The following RBM25 variants were observed in gnomAD, a reference collection of about 807,000 sequenced individuals.
The protein encoded by RBM25 is RNA-binding protein 25.
A neutral mutation model predicts 120.7 loss-of-function variants in RBM25; 19 were observed. The observed-to-expected ratio is 0.16, with a 90% confidence interval of 0.11 to 0.23. RBM25 has a LOEUF of 0.23. RBM25 is among the 10% of genes least tolerant of loss of function. The probability of loss-of-function intolerance (pLI) is 1.00; values close to 1 mark genes in which losing one functional copy is unlikely to be tolerated. For missense variants in RBM25, 605 were observed against 1,041.5 expected, an observed-to-expected ratio of 0.58 and a Z score of 5.77; for synonymous variants, 390 against 326.7, an observed-to-expected ratio of 1.19 and a Z score of -2.09.
intron 9 of RBM25, chr14:73,101,636 A>G (rs917606314): frequency 6.6e-6 from 1 of 152,010 alleles, no homozygotes; most frequent in African/African-American, 2.4e-5. Context: ...ACAAATGGTT[A>G]TTTATATAAC....
At chr14:73,089,050 A>G (rs1594914386) in intron 6 of RBM25, among the ~76,000 whole-genome samples, 2 of 152,272 alleles carry the variant, frequency 1.3e-5, no homozygotes, top group African/African-American at 4.8e-5. Flanking sequence ...CTGAGGCAGG[A>G]GAATCGCTTG....
intron 1 of RBM25, among the ~76,000 whole-genome samples, chr14:73,070,809 TG>T (rs1895269648): frequency 1.3e-5 from 2 of 151,114 alleles, no homozygotes; most frequent in African/African-American, 4.9e-5. Context: ...TAGCTGGGCG[TG>T]GTGGCGCGCA....
intron 18 of RBM25, among the ~76,000 whole-genome samples, chr14:73,117,832 C>G (rs1896467095): frequency 6.6e-6 from 1 of 152,180 alleles, no homozygotes; most frequent in Non-Finnish European, 1.5e-5. Flanking sequence ...CTATGAAGAC[C>G]TGGCAACACT....
intron 1 of RBM25, chr14:73,068,562 G>A (rs1895199154): frequency 3.2e-6 from 2 of 630,880 alleles, no homozygotes; most frequent in South Asian, 1.4e-5. Flanking sequence ...TGGCACTGAT[G>A]TGCTTTTGCC....
chr14:73,077,338 G>A, intron 3 of RBM25, 31 bp from the exon 4 acceptor site: 3 of 1,551,294 alleles, frequency 1.9e-6, no homozygotes, highest in Non-Finnish European at 2.6e-6. Flanking sequence ...TTAATTGCTG[G>A]ATCAATTTTT....
chr14:73,092,958 T>G (rs944404380), intron 6 of RBM25, among the ~76,000 whole-genome samples: 1 of 152,220 alleles, frequency 6.6e-6, no homozygotes, highest in Non-Finnish European at 1.5e-5. Context: ...TTGCAGAATT[T>G]GCAGGTGTAA....
At chr14:73,118,643 C>T (rs965962686) in intron 18 of RBM25, among the ~76,000 whole-genome samples, 1 of 151,940 alleles carries the variant, frequency 6.6e-6, no homozygotes. Flanking sequence ...TGTATAATTG[C>T]AGTATCTGTA....
intron 5 of RBM25, 126 bp downstream of exon 5, chr14:73,083,677 CTT>C (rs1012920783): frequency 1.7e-6 from 1 of 576,450 alleles, no homozygotes; most frequent in African/African-American, 2.0e-5. Context: ...TCTTTGTCCT[CTT>C]TTTTATTGAA....
chr14:73,096,085 C>G lies in RBM25; in HGVS notation c.544-830C>G, dbSNP rs906659949. Among the ~76,000 whole-genome samples the G allele has an allele frequency of 1.6e-4, 24 of 152,250 alleles. 2 individuals carry two copies. In the South Asian group the frequency reaches 5.0e-3, roughly 32 times the overall value. ...CACTGCCTTCCGGTTTTAAGCGATTCTCCTGCCTCAGCCTCCCGAGGAGCT... is the reference window on the plus strand; with the variant it reads ...CACTGCCTTCCGGTTTTAAGCGATTGTCCTGCCTCAGCCTCCCGAGGAGCT... On this transcript the variant is annotated intron_variant, in intron 6 of 18. Coordinates refer to ENST00000261973, the MANE Select transcript of RBM25 (RefSeq NM_021239.3).
At chr14:73,105,796 T>C in intron 10 of RBM25, 63 bp from the exon 11 acceptor site, 4 of 1,577,838 alleles carry the variant, frequency 2.5e-6, no homozygotes, top group Non-Finnish European at 2.6e-6. Context: ...TTGTCCTCCT[T>C]TACTTTGGTC....
chr14:73,102,968 C>G (rs893586824), intron 9 of RBM25: 1 of 807,556 alleles, frequency 1.2e-6, no homozygotes, highest in Non-Finnish European at 1.8e-6. Flanking sequence ...CTCCCAGCAT[C>G]CAAGATTGGA....
chr14:73,111,700 C>T lies in RBM25; in HGVS notation c.2190C>T (p.Asn730=), dbSNP rs982226629. ...AAAATGCAACCAAAGGCACTGTAAA[C>T]ACTGAAGAAAAGCGTAAACACATTA... ...DDKNATKGTV[N]TEEKRKHIKS... Residue 730 remains asparagine, a synonymous_variant, in exon 16 of 19, where the codon AAC becomes AAT. Transcript: ENST00000261973. The T allele has an allele frequency of 6.2e-7, 1 of 1,614,026 alleles. No individual in the cohort carries two copies. Among genetic ancestry groups the T allele is most frequent in the African/African-American group, 1.3e-5 (1 of 74,932 alleles).
intron 1 of RBM25, among the ~76,000 whole-genome samples, chr14:73,067,415 T>A (rs1227733990): frequency 6.6e-6 from 1 of 152,082 alleles, no homozygotes; most frequent in Non-Finnish European, 1.5e-5. Context: ...TTATTATTAT[T>A]TTATTATTTT....
chr14:73,096,179 GT>G (rs1275067563), intron 6 of RBM25, among the ~76,000 whole-genome samples: 1 of 152,098 alleles, frequency 6.6e-6, no homozygotes, highest in Non-Finnish European at 1.5e-5. Flanking sequence ...GTTTCACCAT[GT>G]TGGCCAGGCT....
chr14:73,059,779 A>G (rs1894956240), intron 1 of RBM25, among the ~76,000 whole-genome samples: 1 of 152,216 alleles, frequency 6.6e-6, no homozygotes, highest in African/African-American at 2.4e-5. Context: ...ATAGTATTCT[A>G]ATTCATTTAA....
chr14:73,066,517 G>A (rs999964696), intron 1 of RBM25, among the ~76,000 whole-genome samples: 1 of 151,940 alleles, frequency 6.6e-6, no homozygotes, highest in African/African-American at 2.4e-5. Context: ...CGTGCCTTGT[G>A]GTGTGCACCT....
chr14:73,105,222 A>G (rs1896159360), intron 10 of RBM25, among the ~76,000 whole-genome samples: 1 of 148,522 alleles, frequency 6.7e-6, no homozygotes, highest in South Asian at 2.1e-4. Context: ...ATCTTCCCAC[A>G]TCAGCCTCTG....
intron 7 of RBM25, among the ~76,000 whole-genome samples, chr14:73,097,887 C>T (rs746722308): frequency 1.2e-3 from 185 of 152,250 alleles, no homozygotes; most frequent in Non-Finnish European, 2.2e-3. Flanking sequence ...GCTAATTGTC[C>T]AGGTTGAAAG....
chr14:73,112,081 A>G, intron 16 of RBM25, 71 bp from the exon 17 acceptor site: 1 of 1,384,986 alleles, frequency 7.2e-7, no homozygotes, highest in South Asian at 1.3e-5. Flanking sequence ...CTCAGGAAAA[A>G]TCATGAAGCT....
Sources: gnomAD v4.1 joint callset for allele counts (sites outside exome capture counted in the v4.1 genomes callset) on GRCh38, gnomAD v4.1.1 for gene constraint, MANE v1.5 for transcripts, NCBI Gene and HGNC (gene_info 2026-07-23, HGNC 2026-07-21) for gene names.